The following AGBL4 variants were observed in gnomAD, a reference collection of about 807,000 sequenced individuals.
AGBL4 encodes the protein cytosolic carboxypeptidase 6.
A neutral mutation model predicts 66.4 loss-of-function variants in AGBL4; 58 were observed. That is an observed-to-expected ratio of 0.87 (90% CI 0.71 to 1.09). The LOEUF (loss-of-function observed/expected upper bound fraction) is 1.09. Ranked by LOEUF, AGBL4 falls within the 50% of genes least tolerant of loss-of-function variation. The pLI is 0.00. For synonymous variants in AGBL4, 234 were observed against 222.9 expected (o/e 1.05, Z -0.44); for missense variants, 579 against 631.0 (o/e 0.92, Z 0.88).
chr1:49,538,484 C>G (rs900404499), intron 3 of AGBL4, among the ~76,000 whole-genome samples: 4 of 152,126 alleles, frequency 2.6e-5, no homozygotes, highest in African/African-American at 4.8e-5. Flanking sequence ...TATCACTATG[C>G]AATATATCCG....
intron 3 of AGBL4, among the ~76,000 whole-genome samples, chr1:49,355,449 C>G (rs1644000010): frequency 6.6e-6 from 1 of 152,144 alleles, no homozygotes; most frequent in Admixed American, 6.6e-5. Context: ...CAATTCTGGT[C>G]AAAGCCACCA....
Position 48,648,564 on chromosome 1 carries a change from C to G in AGBL4, c.839+4773G>C, listed in dbSNP as rs182973966. ...AAATTAGACCCTCAGTTCTCCACTT[C>G]TGCCTATAGCTTATAGAGCAAAGGC... On this transcript the variant is annotated intron_variant, in intron 8 of 13. Transcript: ENST00000371839. Among the ~76,000 whole-genome samples, 11 of 152,318 alleles carry G rather than the reference C, an allele frequency of 7.2e-5. No individual in the cohort carries two copies. In the East Asian group the frequency reaches 2.1e-3, roughly 29 times the overall value.
intron 6 of AGBL4, among the ~76,000 whole-genome samples, chr1:48,828,780 T>C (rs1013633989): frequency 6.6e-6 from 1 of 152,198 alleles, no homozygotes; most frequent in Non-Finnish European, 1.5e-5. Context: ...AACTCCCTTT[T>C]TTTCCTCTCA....
At position 48,736,514 on chromosome 1, in the gene AGBL4, CT is replaced by C. The variant is rs1433036761; in HGVS notation, c.635-73274del. ...GACAGGAGGGCAGTGGGAGGCTTCT[CT>C]TGTCCTTTAAAAAGCATTGCTGCAC... On this transcript the variant is annotated intron_variant, in intron 6 of 13. Coordinates refer to ENST00000371839, the MANE Select transcript of AGBL4 (RefSeq NM_032785.4). This position sits in a 1 kb window ranked among gnomAD's most constrained non-coding sequence, Gnocchi z 4.0. 5.6e-6 allele frequency: 8 copies of C among 1,423,772 alleles called. No homozygotes were observed. The highest frequency in any genetic ancestry group is 6.9e-6 in the Non-Finnish European group (7 of 1,017,950). The allele number at this position is 1,423,772 out of a possible 1,614,324, so 88.2% of individuals were successfully genotyped here.
intron 2 of AGBL4, among the ~76,000 whole-genome samples, chr1:49,762,342 T>C (rs1652387681): frequency 6.6e-6 from 1 of 152,172 alleles, no homozygotes; most frequent in African/African-American, 2.4e-5. Flanking sequence ...GAATATTTTT[T>C]CATGTACCTG....
chr1:48,733,280 T>A (rs1323514735), intron 6 of AGBL4, among the ~76,000 whole-genome samples: 2 of 151,926 alleles, frequency 1.3e-5, no homozygotes, highest in Non-Finnish European at 2.9e-5. Flanking sequence ...AGGAACAAGG[T>A]ACTTAGGAAG....
At chr1:49,431,644 A>G (rs929086198) in intron 3 of AGBL4, among the ~76,000 whole-genome samples, 2 of 152,158 alleles carry the variant, frequency 1.3e-5, no homozygotes, top group Non-Finnish European at 2.9e-5. Context: ...TGCTGTAATC[A>G]TGTATTTTTT....
intron 9 of AGBL4, among the ~76,000 whole-genome samples, chr1:48,592,567 A>T (rs1644934773): frequency 6.6e-6 from 1 of 152,242 alleles, no homozygotes; most frequent in African/African-American, 2.4e-5. Flanking sequence ...ATTCAACAGG[A>T]GCCCTATAAA....
At chr1:48,537,373 G>C (rs779333721) in intron 12 of AGBL4, among the ~76,000 whole-genome samples, 81 of 152,108 alleles carry the variant, frequency 5.3e-4, no homozygotes, top group Non-Finnish European at 9.7e-4. Flanking sequence ...TTTCTGAAGA[G>C]GGCTCCAAAG....
At chr1:49,556,588 T>C (rs920167520) in intron 3 of AGBL4, among the ~76,000 whole-genome samples, 2 of 151,922 alleles carry the variant, frequency 1.3e-5, no homozygotes, top group African/African-American at 4.8e-5. Context: ...TACAAACCTT[T>C]ATCTAGACAT....
At chr1:49,653,769 A>C (rs1210044084) in intron 3 of AGBL4, among the ~76,000 whole-genome samples, 2 of 151,796 alleles carry the variant, frequency 1.3e-5, no homozygotes, top group African/African-American at 2.4e-5. Flanking sequence ...AGATGAGATT[A>C]GAGAAAAAAG....
intron 5 of AGBL4, among the ~76,000 whole-genome samples, chr1:48,925,971 T>A (rs1469235623): frequency 6.6e-6 from 1 of 152,090 alleles, no homozygotes; most frequent in Non-Finnish European, 1.5e-5. Flanking sequence ...CATTATGAGG[T>A]AATGGTAGTG....
intron 1 of AGBL4, among the ~76,000 whole-genome samples, chr1:49,877,946 T>A (rs1258414042): frequency 6.6e-6 from 1 of 152,290 alleles, no homozygotes; most frequent in South Asian, 2.1e-4. Flanking sequence ...TTTATTTGTG[T>A]AGAGGTGTTT....
intron 2 of AGBL4, among the ~76,000 whole-genome samples, chr1:49,828,243 A>T (rs113790431): frequency 1.0e-3 from 152 of 152,292 alleles, no homozygotes; most frequent in Non-Finnish European, 1.7e-3. Flanking sequence ...GGCTCTGGAG[A>T]TAGAGCAAAT....
rs187089063 is a variant in AGBL4 at position 48,926,609 on chromosome 1, A to T, written c.595-59379T>A. Among the ~76,000 whole-genome samples, 398 of 152,132 alleles carry T rather than the reference A, an allele frequency of 2.6e-3. 4 individuals carry two copies. The highest frequency in any genetic ancestry group is 9.2e-3 in the African/African-American group (381 of 41,522). On this transcript the variant is annotated intron_variant, in intron 5 of 13. Transcript: ENST00000371839. ...GGCCAACCATGGATGATTTAAAATC[A>T]TTGGGTAGCCCTCTGTTTTAGGCAG...
At chr1:49,786,573 C>T (rs990014629) in intron 2 of AGBL4, among the ~76,000 whole-genome samples, 1 of 152,082 alleles carries the variant, frequency 6.6e-6, no homozygotes, top group Admixed American at 6.6e-5. Flanking sequence ...GAGGTCTCAA[C>T]CAGGGATTTT....
rs572517044 is a variant in AGBL4, at chr1:48,867,683, T to A, written c.595-453A>T. ...TTGAGTGCCTGTTGTACTGCCACCC[T>A]CCAGATACTTCTTTTTAACCAAGAT... On this transcript the variant is annotated intron_variant, in intron 5 of 13. Coordinates refer to ENST00000371839, the MANE Select transcript of AGBL4 (RefSeq NM_032785.4). Among the ~76,000 whole-genome samples, 21 of 152,338 alleles carry A rather than the reference T, an allele frequency of 1.4e-4. 1 individual carries two copies. Among genetic ancestry groups the A allele is most frequent in the Admixed American group, 1.2e-3 (19 of 15,300 alleles).
At position 49,383,804 on chromosome 1, in the gene AGBL4, T is replaced by TATA. The variant is rs200226749; in HGVS notation, c.283-137941_283-137940insTAT. Among the ~76,000 whole-genome samples the TATA allele has an allele frequency of 9.0e-4, 130 of 145,040 alleles. 1 individual carries two copies. Among genetic ancestry groups the TATA allele is most frequent in the African/African-American group, 3.0e-3 (118 of 39,254 alleles). Reference sequence around the variant, plus strand: ...ACAAATGAGACTGTATATATATATATTTTTTTTTTTTGAGATGGTGTCTTG... The same window carrying TATA: ...ACAAATGAGACTGTATATATATATATATATTTTTTTTTTTGAGATGGTGTCTTG... On this transcript the variant is annotated intron_variant, in intron 3 of 13. Coordinates refer to ENST00000371839, the MANE Select transcript of AGBL4 (RefSeq NM_032785.4).
intron 2 of AGBL4, among the ~76,000 whole-genome samples, chr1:49,764,232 C>T (rs903272744): frequency 1.3e-5 from 2 of 152,134 alleles, no homozygotes; most frequent in African/African-American, 2.4e-5. Context: ...CAAAATCCAG[C>T]ATCGCCTGGG....
Sources: gnomAD v4.1 joint callset for allele counts (sites outside exome capture counted in the v4.1 genomes callset) on GRCh38, gnomAD v4.1.1 for gene constraint, Gnocchi (gnomAD v3.1) non-coding constraint, MANE v1.5 for transcripts, NCBI Gene and HGNC (gene_info 2026-07-23, HGNC 2026-07-21) for gene names.